CLEC2A: variants seen among roughly 807,000 people sequenced by gnomAD.
CLEC2A encodes the protein keratinocyte-associated C-type lectin.
Under a neutral mutation model 18.6 loss-of-function variants are expected in CLEC2A, and 19 were observed. That is an observed-to-expected ratio of 1.02 (90% confidence interval 0.71 to 1.50). CLEC2A has a LOEUF of 1.50. CLEC2A is among the 40% of genes most tolerant of loss of function. CLEC2A has a pLI of 0.00. For synonymous variants in CLEC2A, 74 were observed against 64.0 expected (o/e 1.16, Z -0.75); for missense variants, 190 against 207.9 (o/e 0.91, Z 0.53).
chr12:9,919,627 G>A (rs190716821), intron 3 of CLEC2A, among the ~76,000 whole-genome samples: 1 of 152,330 alleles, frequency 6.6e-6, no homozygotes, highest in Non-Finnish European at 1.5e-5. Flanking sequence ...CCCAGGCCTG[G>A]AGGACCCTCC....
rs558898274 is a variant in CLEC2A, at chr12:9,926,772, T to A, written c.56-429A>T. On this transcript the variant is annotated intron_variant, in intron 1 of 4. Transcript: ENST00000455827. ...GTCATAAGGTCATGACAGAAGACCTTAAATGAGAGATATATTTTTCTTTAT... is the reference window on the plus strand; with the variant it reads ...GTCATAAGGTCATGACAGAAGACCTAAAATGAGAGATATATTTTTCTTTAT... Among the ~76,000 whole-genome samples, 30 of 152,250 alleles carry A rather than the reference T, an allele frequency of 2.0e-4. No individual in the cohort carries two copies. The South Asian group carries it at 6.2e-3, about 32-fold the overall frequency.
the CLEC2A span, among the ~76,000 whole-genome samples, chr12:9,887,229 C>G: frequency 6.6e-6 from 1 of 151,932 alleles, no homozygotes; most frequent in East Asian, 1.9e-4. Flanking sequence ...CAAGAACCCA[C>G]TAAGTTCGGA....
At chr12:9,921,620 A>G (rs1863174316) in intron 3 of CLEC2A, among the ~76,000 whole-genome samples, 1 of 152,058 alleles carries the variant, frequency 6.6e-6, no homozygotes, top group African/African-American at 2.4e-5. Flanking sequence ...AAAAACAAAA[A>G]CAGAAAACTT....
At chr12:9,882,771 A>C in the CLEC2A span, among the ~76,000 whole-genome samples, 1 of 139,812 alleles carries the variant, frequency 7.2e-6, no homozygotes, top group Non-Finnish European at 1.6e-5. Context: ...ACAGAGCAAG[A>C]CTCCATATAT....
At chr12:9,886,285 T>A in the CLEC2A span, among the ~76,000 whole-genome samples, 26 of 152,164 alleles carry the variant, frequency 1.7e-4, no homozygotes, top group African/African-American at 4.8e-4. Flanking sequence ...CCAGTCAAAA[T>A]GGAGTATTGA....
chr12:9,909,884 T>C (rs1380174615), downstream of CLEC2A, among the ~76,000 whole-genome samples: 5 of 151,754 alleles, frequency 3.3e-5, no homozygotes, highest in Admixed American at 6.6e-5. Flanking sequence ...ATTGGGGGTA[T>C]TGAGTGGAGG....
downstream of CLEC2A, chr12:9,893,687 C>CT (rs1203581867): frequency 5.0e-6 from 2 of 402,570 alleles, no homozygotes; most frequent in Non-Finnish European, 4.3e-6. Context: ...TTAGCTCTCT[C>CT]TTTTCTTTCC....
At position 9,926,264 on chromosome 12, in the gene CLEC2A, C is replaced by A. The variant is rs1164090409; in HGVS notation, c.135G>T (p.Met45Ile). The stretch of plus-strand genomic sequence containing the variant: ...TGTATGAATTAAACCACTCACCTAT[C>A]ATAATAATGCAAACTGTAGTAATAA... ...SIIITTVCIIMIATWSKHAKP... is the reference protein window; with the variant it reads ...SIIITTVCIIIIATWSKHAKP... Residue 45 changes from methionine to isoleucine, a missense_variant, in exon 2 of 5, where the codon ATG becomes ATT. Transcript: ENST00000455827. 2.6e-6 allele frequency: 4 copies of A among 1,530,530 alleles called. No homozygotes were observed. The highest frequency in any genetic ancestry group is 1.2e-5 in the South Asian group (1 of 83,594). The allele number at this position is 1,530,530 out of a possible 1,614,324, so 94.8% of individuals were successfully genotyped here.
At chr12:9,881,295 C>G in the CLEC2A span, among the ~76,000 whole-genome samples, 2 of 152,148 alleles carry the variant, frequency 1.3e-5, no homozygotes, top group Admixed American at 6.5e-5. Context: ...TCTAATACAC[C>G]GCACACAAGT....
chr12:9,915,993 C>T lies in CLEC2A; in HGVS notation c.410+707G>A, dbSNP rs970604250. Among the ~76,000 whole-genome samples, 14 of 149,826 alleles carry T rather than the reference C, an allele frequency of 9.3e-5. 2 individuals carry two copies. The South Asian group carries it at 1.9e-3, about 20-fold the overall frequency. ...ATTGGTTGCTTTTTTTAATCTAGCA[C>T]GTTACTAAAATAATAAGGCAGAGAT... On this transcript the variant is annotated intron_variant, in intron 4 of 4. Transcript: ENST00000455827.
the CLEC2A span, chr12:9,888,757 ATG>A: frequency 4.0e-6 from 6 of 1,504,610 alleles, no homozygotes; most frequent in Non-Finnish European, 5.4e-6. Flanking sequence ...TTCTCCCAGA[ATG>A]TAAACGTCAG....
intron 3 of CLEC2A, among the ~76,000 whole-genome samples, chr12:9,919,803 C>T (rs1863134830): frequency 6.6e-6 from 1 of 152,178 alleles, no homozygotes; most frequent in Non-Finnish European, 1.5e-5. Context: ...AGGTGGCCTG[C>T]CCCTCCCTCT....
At chr12:9,924,556 G>A (rs971205944) in intron 2 of CLEC2A, among the ~76,000 whole-genome samples, 1 of 151,912 alleles carries the variant, frequency 6.6e-6, no homozygotes, top group Non-Finnish European at 1.5e-5. Flanking sequence ...AAAATCAAGT[G>A]CTGGGGACTA....
At chr12:9,910,014 G>T (rs1416957373), downstream of CLEC2A, among the ~76,000 whole-genome samples, 1 of 152,078 alleles carries the variant, frequency 6.6e-6, no homozygotes, top group Non-Finnish European at 1.5e-5. Flanking sequence ...AGGAGGACAG[G>T]TCCTTGCCTC....
At chr12:9,922,043 T>G in intron 3 of CLEC2A, 23 bp downstream of exon 3, 1 of 1,506,176 alleles carries the variant, frequency 6.6e-7, no homozygotes, top group African/African-American at 1.4e-5. Flanking sequence ...CTGAAATTAC[T>G]GAAGACTTTT....
chr12:9,930,002 C>T (rs1863348652), intron 1 of CLEC2A, among the ~76,000 whole-genome samples: 1 of 151,860 alleles, frequency 6.6e-6, no homozygotes, highest in Non-Finnish European at 1.5e-5. Flanking sequence ...GCTAGGCCTG[C>T]CGTAACAAGT....
intron 2 of CLEC2A, among the ~76,000 whole-genome samples, 200 bp from the exon 3 acceptor site, chr12:9,922,432 C>A (rs1292377621): frequency 6.6e-6 from 1 of 152,122 alleles, no homozygotes; most frequent in Non-Finnish European, 1.5e-5. Flanking sequence ...ATACTTTTTT[C>A]TATTTCCCTG....
intron 4 of CLEC2A, among the ~76,000 whole-genome samples, chr12:9,906,276 T>C (rs1862907058): frequency 6.6e-6 from 1 of 152,242 alleles, no homozygotes; most frequent in South Asian, 2.1e-4. Flanking sequence ...TTGGGAGAGA[T>C]AATGGGGACT....
At chr12:9,895,976 T>C, downstream of CLEC2A, 1 of 764,854 alleles carries the variant, frequency 1.3e-6, no homozygotes, top group Non-Finnish European at 1.9e-6. Context: ...TATCCTGAAT[T>C]GACTATAAAG....
Sources: allele counts gnomAD v4.1 joint callset (sites outside exome capture counted in the v4.1 genomes callset), GRCh38; gene constraint gnomAD v4.1.1; transcripts MANE v1.5; gene names NCBI Gene and HGNC (gene_info 2026-07-23, HGNC 2026-07-21).